TENM1: variants seen among roughly 807,000 people sequenced by gnomAD.
TENM1 encodes the protein teneurin transmembrane protein 1.
Under a neutral mutation model 174.8 loss-of-function variants are expected in TENM1, and 35 were observed. The ratio of observed to expected loss-of-function variants is 0.20; its 90% CI spans 0.15 to 0.27. The LOEUF is 0.27. TENM1 is among the 10% of genes least tolerant of loss of function. The pLI, the probability that TENM1 is intolerant of heterozygous loss-of-function variation, is 1.00. For missense variants in TENM1, 1,633 were observed against 2,130.1 expected, an observed-to-expected ratio of 0.77 and a Z score of 4.59; for synonymous variants, 781 against 798.7, an observed-to-expected ratio of 0.98 and a Z score of 0.37.
intron 11 of TENM1, among the ~76,000 whole-genome samples, chrX:124,610,171 A>G (rs1268972837): frequency 8.9e-6 from 1 of 112,378 alleles, no homozygotes; most frequent in Non-Finnish European, 1.9e-5. Flanking sequence ...ACAGAGGCCC[A>G]GGCTAATTTG....
At chrX:124,936,650 A>C (rs758766999) in intron 1 of TENM1, among the ~76,000 whole-genome samples, 1 of 112,552 alleles carries the variant, frequency 8.9e-6, no homozygotes, top group African/African-American at 3.2e-5. Flanking sequence ...CTAAGAGTGC[A>C]ATGACAATGC....
intron 27 of TENM1, among the ~76,000 whole-genome samples, chrX:124,394,563 T>G (rs1173388319): frequency 9.0e-6 from 1 of 111,552 alleles, no homozygotes; most frequent in Non-Finnish European, 1.9e-5. Flanking sequence ...AAAGTAACCT[T>G]TCCCTCCCAC....
intron 3 of TENM1, among the ~76,000 whole-genome samples, chrX:124,843,478 C>T (rs2056544941): frequency 9.1e-6 from 1 of 110,206 alleles, no homozygotes; most frequent in African/African-American, 3.3e-5. Flanking sequence ...CCCGTTGCCT[C>T]CCCCCCTCCC....
intron 3 of TENM1, among the ~76,000 whole-genome samples, chrX:124,871,210 A>G (rs944714565): frequency 9.0e-6 from 1 of 111,354 alleles, no homozygotes; most frequent in African/African-American, 3.3e-5. Context: ...CTTCTATGAT[A>G]CCAATCTGAA....
chrX:124,965,539 T>A (rs1053692624), upstream of TENM1, among the ~76,000 whole-genome samples: 3 of 111,901 alleles, frequency 2.7e-5, no homozygotes, highest in African/African-American at 9.8e-5. Context: ...TGTCTCTTTA[T>A]ATCCCCCACA....
chrX:125,204,153 G>C, the TENM1 span: 2 of 112,855 alleles, frequency 1.8e-5, no homozygotes, highest in Non-Finnish European at 3.7e-5. Flanking sequence ...GAGTGAAAGA[G>C]AGTGTTCGTG....
intron 1 of TENM1, among the ~76,000 whole-genome samples, chrX:124,915,538 G>C (rs767612099): frequency 8.9e-6 from 1 of 112,505 alleles, no homozygotes; most frequent in African/African-American, 3.2e-5. Context: ...AAGAAAAAAA[G>C]TAAATTCTCT....
At chrX:124,852,729 G>A (rs2056745389) in intron 3 of TENM1, among the ~76,000 whole-genome samples, 1 of 111,256 alleles carries the variant, frequency 9.0e-6, no homozygotes, top group Non-Finnish European at 1.9e-5. Context: ...CATAGATACG[G>A]ATGATACTTC....
chrX:124,653,570 A>G lies in TENM1; in HGVS notation c.1368+14T>C. Reference sequence around the variant, plus strand: ...TTGAAAAGGGTTTAAGAAAATACCTATAATATCAAATACCTGAGTATGTGT... The same window carrying G: ...TTGAAAAGGGTTTAAGAAAATACCTGTAATATCAAATACCTGAGTATGTGT... On this transcript the variant is annotated intron_variant, in intron 7 of 31. Transcript: ENST00000422452. The G allele has an allele frequency of 8.4e-7, 1 of 1,195,073 alleles. No individual in the cohort carries two copies. The highest frequency in any genetic ancestry group is 1.8e-5 in the South Asian group (1 of 56,373).
intron 8 of TENM1, among the ~76,000 whole-genome samples, chrX:124,647,717 G>GTT (rs757952910): frequency 3.8e-5 from 4 of 105,066 alleles, no homozygotes; most frequent in African/African-American, 1.5e-4. Flanking sequence ...TTCTCGCAGG[G>GTT]ATTTTTTTTT....
At chrX:125,009,586 A>G in the TENM1 span, among the ~76,000 whole-genome samples, 1 of 111,601 alleles carries the variant, frequency 9.0e-6, no homozygotes, top group Non-Finnish European at 1.9e-5. Context: ...CAAAAAAAGA[A>G]AACTTCAGGC....
At chrX:124,755,317 CT>C (rs760168966) in intron 3 of TENM1, among the ~76,000 whole-genome samples, 3 of 110,616 alleles carry the variant, frequency 2.7e-5, no homozygotes, top group Non-Finnish European at 5.7e-5. Flanking sequence ...CAATCCCGGC[CT>C]TTTTTTGTTT....
At chrX:124,796,276 G>A (rs1256908609) in intron 3 of TENM1, among the ~76,000 whole-genome samples, 1 of 111,640 alleles carries the variant, frequency 9.0e-6, no homozygotes, top group Non-Finnish European at 1.9e-5. Context: ...TTTCTTATGA[G>A]GAATTCATAT....
chrX:124,671,303 A>C (rs1011415691), intron 6 of TENM1, among the ~76,000 whole-genome samples: 2 of 111,552 alleles, frequency 1.8e-5, no homozygotes, highest in African/African-American at 6.5e-5. Flanking sequence ...AAACAGAAGA[A>C]ATTTCCATAT....
intron 11 of TENM1, among the ~76,000 whole-genome samples, chrX:124,583,183 G>A (rs1271173939): frequency 9.0e-6 from 1 of 111,302 alleles, no homozygotes; most frequent in Non-Finnish European, 1.9e-5. Flanking sequence ...AGAGACCAGT[G>A]GTTCTCCCAG....
At chrX:124,687,136 T>A (rs904243651) in intron 5 of TENM1, among the ~76,000 whole-genome samples, 6 of 111,390 alleles carry the variant, frequency 5.4e-5, no homozygotes, top group African/African-American at 2.0e-4. Context: ...AGAGCCCATA[T>A]AGCCACGACA....
chrX:124,829,701 G>A (rs891593756), intron 3 of TENM1, among the ~76,000 whole-genome samples: 4 of 112,081 alleles, frequency 3.6e-5, no homozygotes, highest in Middle Eastern at 4.6e-3. Flanking sequence ...GTGGGTGAGA[G>A]ATTCAAATGA....
intron 11 of TENM1, among the ~76,000 whole-genome samples, chrX:124,582,604 C>G (rs6649257): frequency 8.9e-6 from 1 of 112,032 alleles, no homozygotes; most frequent in Non-Finnish European, 1.9e-5. Context: ...CCAGCGTGAG[C>G]GACACAGAAG....
chrX:124,868,518 C>T (rs924218033), intron 3 of TENM1, among the ~76,000 whole-genome samples: 10 of 111,365 alleles, frequency 9.0e-5, no homozygotes, highest in Non-Finnish European at 1.7e-4. Context: ...CCTCAGCCTA[C>T]GAAACTACTA....
Sources: gnomAD v4.1 joint callset for allele counts (sites outside exome capture counted in the v4.1 genomes callset) on GRCh38, gnomAD v4.1.1 for gene constraint, MANE v1.5 for transcripts, NCBI Gene and HGNC (gene_info 2026-07-23, HGNC 2026-07-21) for gene names.